LOC128092253: variants seen among roughly 807,000 people sequenced by gnomAD.
the LOC128092253 span, among the ~76,000 whole-genome samples, chr6:133,975,257 A>G: frequency 6.6e-6 from 1 of 152,154 alleles, no homozygotes; most frequent in Admixed American, 6.5e-5. Flanking sequence ...GAGACTTTAA[A>G]AGATTATTAA....
chr6:133,959,013 T>C, the LOC128092253 span, among the ~76,000 whole-genome samples: 2 of 152,070 alleles, frequency 1.3e-5, no homozygotes, highest in Admixed American at 1.3e-4. Context: ...TTTCCTTTAG[T>C]TTTAGATACC....
the LOC128092253 span, among the ~76,000 whole-genome samples, chr6:133,957,134 G>C: frequency 6.6e-6 from 1 of 152,110 alleles, no homozygotes; most frequent in Admixed American, 6.5e-5. Flanking sequence ...TGGTTTTGTG[G>C]GTTGAAGCAT....
the LOC128092253 span, among the ~76,000 whole-genome samples, chr6:133,954,993 C>T: frequency 2.0e-5 from 3 of 152,162 alleles, no homozygotes; most frequent in Middle Eastern, 3.4e-3. Flanking sequence ...AAGAAGTGGA[C>T]AGGATGCAAA....
the LOC128092253 span, among the ~76,000 whole-genome samples, chr6:133,962,957 C>T: frequency 6.6e-6 from 1 of 152,158 alleles, no homozygotes; most frequent in African/African-American, 2.4e-5. Context: ...TCTTCAGAAT[C>T]CAGGGATAGG....
At chr6:133,967,909 A>G in the LOC128092253 span, among the ~76,000 whole-genome samples, 1 of 152,152 alleles carries the variant, frequency 6.6e-6, no homozygotes, top group East Asian at 1.9e-4. Flanking sequence ...ATCTTGTTTC[A>G]TGTGCACAGA....
chr6:133,973,885 C>T, the LOC128092253 span, among the ~76,000 whole-genome samples: 2 of 151,452 alleles, frequency 1.3e-5, no homozygotes, highest in East Asian at 3.9e-4. Flanking sequence ...AGGCCTTGGG[C>T]AGTGGGCAAA....
chr6:133,969,005 C>T, the LOC128092253 span: 6 of 152,046 alleles, frequency 3.9e-5, no homozygotes, highest in Non-Finnish European at 7.4e-5. Context: ...TAGTATTCGT[C>T]GAAACAGTGA....
chr6:133,960,807 A>G, the LOC128092253 span, among the ~76,000 whole-genome samples: 1 of 152,200 alleles, frequency 6.6e-6, no homozygotes, highest in African/African-American at 2.4e-5. Context: ...GCTGTAGGCT[A>G]TAGAACATGG....
At chr6:133,977,797 CTTG>C in the LOC128092253 span, among the ~76,000 whole-genome samples, 7 of 152,172 alleles carry the variant, frequency 4.6e-5, no homozygotes, top group Non-Finnish European at 8.8e-5. Context: ...CTGCTTCTAT[CTTG>C]TTGTTCTACC....
At chr6:133,967,012 G>T in the LOC128092253 span, among the ~76,000 whole-genome samples, 1 of 152,106 alleles carries the variant, frequency 6.6e-6, no homozygotes. Context: ...TCTGAACGTG[G>T]CATAGAAGGC....
chr6:133,962,294 A>G, the LOC128092253 span, among the ~76,000 whole-genome samples: 5 of 152,224 alleles, frequency 3.3e-5, no homozygotes, highest in African/African-American at 9.7e-5. Context: ...TAATCCTGGT[A>G]GCTATTTGGT....
chr6:133,974,459 G>A, the LOC128092253 span, among the ~76,000 whole-genome samples: 3 of 152,148 alleles, frequency 2.0e-5, no homozygotes, highest in Non-Finnish European at 4.4e-5. Context: ...TCAGCCTCCT[G>A]AGTAGCTGGG....
At chr6:133,972,540 G>C in the LOC128092253 span, among the ~76,000 whole-genome samples, 989 of 152,232 alleles carry the variant, frequency 6.5e-3, 12 homozygotes, top group African/African-American at 0.023. Flanking sequence ...TTTGGTTCTT[G>C]TCACAACTAC....
chr6:133,962,723 A>G, the LOC128092253 span, among the ~76,000 whole-genome samples: 1 of 152,244 alleles, frequency 6.6e-6, no homozygotes, highest in African/African-American at 2.4e-5. Context: ...AAAGGATTTC[A>G]GGCAGTGGTT....
At chr6:133,961,328 C>T in the LOC128092253 span, among the ~76,000 whole-genome samples, 1 of 152,138 alleles carries the variant, frequency 6.6e-6, no homozygotes, top group African/African-American at 2.4e-5. Flanking sequence ...AGCTTGGTGT[C>T]TGCAGTTCAG....
At chr6:133,963,777 TC>T in the LOC128092253 span, among the ~76,000 whole-genome samples, 1 of 149,278 alleles carries the variant, frequency 6.7e-6, no homozygotes, top group Admixed American at 6.7e-5. Flanking sequence ...ACGCCTGTAA[TC>T]CCAGCACTTT....
the LOC128092253 span, among the ~76,000 whole-genome samples, chr6:133,967,068 T>A: frequency 6.6e-6 from 1 of 152,224 alleles, no homozygotes; most frequent in East Asian, 1.9e-4. Context: ...TTATGCCACT[T>A]TCCTTTTCAC....
At chr6:133,961,470 T>C in the LOC128092253 span, among the ~76,000 whole-genome samples, 189 of 145,404 alleles carry the variant, frequency 1.3e-3, 1 homozygote, top group Middle Eastern at 3.5e-3. Context: ...TCTTTCTTTT[T>C]TTTTTTTTTT....
chr6:133,963,512 C>T, the LOC128092253 span, among the ~76,000 whole-genome samples: 1 of 152,180 alleles, frequency 6.6e-6, no homozygotes, highest in Admixed American at 6.5e-5. Context: ...GCAGCCTTGA[C>T]CTCCCAGGCT....
Sources: gnomAD v4.1 joint callset for allele counts (sites outside exome capture counted in the v4.1 genomes callset) on GRCh38, gnomAD v4.1.1 for gene constraint, MANE v1.5 for transcripts.